The following ZC3H11A variants were observed in gnomAD, a reference collection of about 807,000 sequenced individuals.
The protein encoded by ZC3H11A is zinc finger CCCH-type containing 11A.
A neutral mutation model predicts 90.8 loss-of-function variants in ZC3H11A; 22 were observed. The observed-to-expected ratio is 0.24, with a 90% CI of 0.17 to 0.35. The LOEUF is 0.35. Among genes scored for constraint, ZC3H11A ranks in the 10% least tolerant of loss-of-function variants. The probability of loss-of-function intolerance (pLI) is 1.00; values close to 1 mark genes in which losing one functional copy is unlikely to be tolerated. For synonymous variants in ZC3H11A, 294 were observed against 339.8 expected (o/e 0.87, Z 1.48); for missense variants, 701 against 964.9 (o/e 0.73, Z 3.62).
chr1:203,845,077 C>T lies in ZC3H11A; in HGVS notation c.1043-2107C>T, dbSNP rs535917615. On this transcript the variant is annotated intron_variant, in intron 12 of 17. Coordinates refer to ENST00000367210, the MANE Select transcript of ZC3H11A (RefSeq NM_001376342.1). ...TTAGTTAACCCAAGTTTGACAGTTT[C>T]CTTTGACTGTATTGGGAGGAACAGA... 3.5e-4 allele frequency among the ~76,000 whole-genome samples: 53 copies of T among 152,112 alleles called. No homozygotes were observed. In the South Asian group the frequency reaches 0.011, roughly 32 times the overall value.
intron 8 of ZC3H11A, 88 bp from the exon 9 acceptor site, chr1:203,831,573 C>A (rs1682390619): frequency 4.7e-6 from 5 of 1,073,034 alleles, no homozygotes; most frequent in Middle Eastern, 2.9e-4. Context: ...CTGTATTGGA[C>A]TTAACTGGTT....
chr1:203,829,173 G>A, intron 5 of ZC3H11A: 1 of 454,554 alleles, frequency 2.2e-6, no homozygotes, highest in Non-Finnish European at 3.9e-6. Flanking sequence ...AAAATTAAAG[G>A]TCTAGAATTT....
intron 2 of ZC3H11A, among the ~76,000 whole-genome samples, chr1:203,807,491 T>G (rs142915235): frequency 6.6e-6 from 1 of 151,908 alleles, no homozygotes; most frequent in Non-Finnish European, 1.5e-5. Flanking sequence ...GTTTGTAATA[T>G]ATGTGACACA....
intron 2 of ZC3H11A, among the ~76,000 whole-genome samples, chr1:203,803,959 A>G (rs1334608564): frequency 6.6e-6 from 1 of 152,262 alleles, no homozygotes; most frequent in Non-Finnish European, 1.5e-5. Flanking sequence ...AGTTCCAGTA[A>G]TAAACTCTAA....
At chr1:203,829,998 C>T (rs752554966) in intron 7 of ZC3H11A, 102 bp downstream of exon 7, 35 of 1,312,872 alleles carry the variant, frequency 2.7e-5, no homozygotes, top group African/African-American at 4.4e-5. Context: ...CCATGCTACA[C>T]GCATACTTAC....
In ZC3H11A at chr1:203,829,599, C is replaced by T. The variant is rs1681605950; in HGVS notation, c.447C>T (p.Ser149=). 1 of 1,614,134 alleles carries T rather than the reference C, an allele frequency of 6.2e-7. No homozygotes were observed. ...MKVESSENVP[S]PTHPPVVINA... is the part of the protein sequence containing the mutation. ...TAGAAAGTTCCGAAAATGTTCCTAG[C>T]CCCACGCATCCACCAGTTGTAATTA... The change falls in exon 6 of 18, where the codon AGC becomes AGT. Residue 149 remains serine (S), a synonymous_variant. Transcript: ENST00000367210.
chr1:203,852,567 T>C lies in ZC3H11A; in HGVS notation c.*168T>C. On this transcript the variant is annotated 3_prime_UTR_variant, in exon 18 of 18. Transcript: ENST00000367210. ...GTGTCCTGGATTCCTTGGGGTCAGATTTTTAAAGTTACTTTATAACCATTT... is the reference window on the plus strand; with the variant it reads ...GTGTCCTGGATTCCTTGGGGTCAGACTTTTAAAGTTACTTTATAACCATTT... 1 of 721,348 alleles carries C rather than the reference T, an allele frequency of 1.4e-6. No individual in the cohort carries two copies. Among genetic ancestry groups the C allele is most frequent in the Non-Finnish European group, 2.2e-6 (1 of 449,992 alleles). 44.7% of individuals were successfully genotyped at this position (721,348 alleles called of 1,614,324 possible).
chr1:203,842,381 G>A (rs567959897), intron 12 of ZC3H11A, among the ~76,000 whole-genome samples: 3 of 152,306 alleles, frequency 2.0e-5, no homozygotes, highest in East Asian at 1.9e-4. Flanking sequence ...CAGATCACTC[G>A]CGGTCAGGAG....
chr1:203,829,799 T>A lies in ZC3H11A; in HGVS notation c.522T>A (p.Gly174=). The stretch of plus-strand genomic sequence containing the variant: ...ATATAGATCAGTTTTCTGAGGAAGG[T>A]GATGAAACCAAAACACCTACCCTGC... The part of the protein sequence containing the change: ...EDDDDQFSEE[G]DETKTPTLQP... Residue 174 remains glycine, a synonymous_variant, in exon 7 of 18, where the codon GGT becomes GGA. Coordinates refer to ENST00000367210, the MANE Select transcript of ZC3H11A (RefSeq NM_001376342.1). 4 of 1,614,046 alleles carry A rather than the reference T, an allele frequency of 2.5e-6. No homozygotes were observed. The highest frequency in any genetic ancestry group is 3.4e-6 in the Non-Finnish European group (4 of 1,179,956).
intron 3 of ZC3H11A, among the ~76,000 whole-genome samples, chr1:203,817,366 A>G (rs1298872746): frequency 6.7e-6 from 1 of 149,720 alleles, no homozygotes; most frequent in Non-Finnish European, 1.5e-5. Flanking sequence ...GCATGTAGTC[A>G]TCATTCAGTG....
At chr1:203,818,457 C>T in intron 3 of ZC3H11A, 113 bp from the exon 4 acceptor site, 1 of 1,386,524 alleles carries the variant, frequency 7.2e-7, no homozygotes, top group Non-Finnish European at 9.9e-7. Flanking sequence ...TTTACCTTAC[C>T]AGTCCTTTCT....
At chr1:203,842,238 C>A (rs555827791) in intron 12 of ZC3H11A, among the ~76,000 whole-genome samples, 1 of 151,936 alleles carries the variant, frequency 6.6e-6, no homozygotes, top group Non-Finnish European at 1.5e-5. Context: ...CTTTGGGAGG[C>A]AAGGCAGGCG....
chr1:203,805,920 C>A, intron 2 of ZC3H11A: 1 of 667,288 alleles, frequency 1.5e-6, no homozygotes. Flanking sequence ...GCTTGTCTAC[C>A]TTCATTTCCT....
chr1:203,798,282 G>A, intron 1 of ZC3H11A: 1 of 1,536,174 alleles, frequency 6.5e-7, no homozygotes. Context: ...AAGTAACATT[G>A]TCAAGCATGC....
rs1681336954 is a variant in ZC3H11A at position 203,828,702 on chromosome 1, A to C, written c.298+280A>C. 2.0e-5 allele frequency among the ~76,000 whole-genome samples: 3 copies of C among 152,176 alleles called. No homozygotes were observed. The South Asian group carries it at 6.2e-4, about 32-fold the overall frequency. On this transcript the variant is annotated intron_variant, in intron 5 of 17. Coordinates refer to ENST00000367210, the MANE Select transcript of ZC3H11A (RefSeq NM_001376342.1). ...GTTTTCAAAATAAATTTGATTTTCTAGGTCAAAGGTTGGCAAAACTGGTCC... is the reference window on the plus strand; with the variant it reads ...GTTTTCAAAATAAATTTGATTTTCTCGGTCAAAGGTTGGCAAAACTGGTCC...
At chr1:203,840,448 A>T in intron 12 of ZC3H11A, 74 bp downstream of exon 12, 1 of 1,445,232 alleles carries the variant, frequency 6.9e-7, no homozygotes, top group Non-Finnish European at 9.5e-7. Flanking sequence ...TCTCAGATTT[A>T]CCTGTTGCTT....
intron 2 of ZC3H11A, among the ~76,000 whole-genome samples, chr1:203,812,539 A>C (rs1193267950): frequency 1.4e-5 from 2 of 144,640 alleles, no homozygotes; most frequent in Non-Finnish European, 3.0e-5. Flanking sequence ...CCTCACCAGC[A>C]TTTAGTGCTT....
chr1:203,838,091 T>G, intron 11 of ZC3H11A, 27 bp downstream of exon 11: 1 of 1,602,064 alleles, frequency 6.2e-7, no homozygotes, highest in Non-Finnish European at 8.5e-7. Context: ...ATACTTTGTG[T>G]GTGTATGTAA....
At chr1:203,807,698 T>G (rs1479572752) in intron 2 of ZC3H11A, among the ~76,000 whole-genome samples, 2 of 152,044 alleles carry the variant, frequency 1.3e-5, no homozygotes, top group East Asian at 1.9e-4. Context: ...GCTAAATTTT[T>G]TTTTCTTTTG....
Sources: allele counts gnomAD v4.1 joint callset (sites outside exome capture counted in the v4.1 genomes callset), GRCh38; gene constraint gnomAD v4.1.1; transcripts MANE v1.5; gene names NCBI Gene and HGNC (gene_info 2026-07-23, HGNC 2026-07-21).